The following CSGALNACT1 variants were observed in gnomAD, a reference collection of about 807,000 sequenced individuals.
CSGALNACT1 encodes beta4GalNAcT-1.
In CSGALNACT1, 52 loss-of-function variants were observed where a neutral mutation model predicts 51.0. That is an observed-to-expected ratio of 1.02 (90% CI 0.82 to 1.29). The LOEUF is 1.29. CSGALNACT1 is among the 50% of genes most tolerant of loss of function. CSGALNACT1 has a pLI of 0.00. For synonymous variants in CSGALNACT1, 341 were observed against 254.4 expected (o/e 1.34, Z -3.24); for missense variants, 935 against 679.2 (o/e 1.38, Z -4.19).
At chr8:19,666,934 AG>A (rs2059310828) in intron 1 of CSGALNACT1, among the ~76,000 whole-genome samples, 1 of 131,814 alleles carries the variant, frequency 7.6e-6, no homozygotes, top group Non-Finnish European at 1.6e-5. Flanking sequence ...AGAGACAGAG[AG>A]AGAGAGAAAA....
intron 1 of CSGALNACT1, among the ~76,000 whole-genome samples, chr8:19,635,137 C>T (rs543282438): frequency 2.0e-4 from 30 of 152,310 alleles, no homozygotes; most frequent in East Asian, 1.5e-3. Flanking sequence ...CCTTCACTGC[C>T]GTGCCCTGGG....
intron 1 of CSGALNACT1, among the ~76,000 whole-genome samples, chr8:19,714,028 C>T (rs1331648185): frequency 6.6e-6 from 1 of 152,210 alleles, no homozygotes; most frequent in Non-Finnish European, 1.5e-5. Flanking sequence ...ACATCCTCCT[C>T]TCTGCACCCA....
chr8:19,625,746 A>AG (rs1208971640), intron 1 of CSGALNACT1, among the ~76,000 whole-genome samples: 1 of 152,166 alleles, frequency 6.6e-6, no homozygotes, highest in Non-Finnish European at 1.5e-5. Flanking sequence ...TAGGCTTAAG[A>AG]GAGGGGGCCT....
chr8:19,720,336 G>C (rs1039282002), intron 1 of CSGALNACT1, among the ~76,000 whole-genome samples: 2 of 152,186 alleles, frequency 1.3e-5, no homozygotes, highest in African/African-American at 4.8e-5. Context: ...ATGTATCAGG[G>C]AGAGATAAGA....
intron 6 of CSGALNACT1, among the ~76,000 whole-genome samples, chr8:19,423,842 A>C (rs1366495305): frequency 6.6e-6 from 1 of 152,166 alleles, no homozygotes; most frequent in Non-Finnish European, 1.5e-5. Flanking sequence ...GCACTACCCA[A>C]TCTGAATATG....
At chr8:19,691,284 G>A (rs1000654801) in intron 1 of CSGALNACT1, among the ~76,000 whole-genome samples, 1 of 152,126 alleles carries the variant, frequency 6.6e-6, no homozygotes, top group African/African-American at 2.4e-5. Context: ...TTCAGCCAAC[G>A]ATGCACAGGC....
At chr8:19,581,779 T>C (rs1004922138) in intron 3 of CSGALNACT1, among the ~76,000 whole-genome samples, 1 of 152,340 alleles carries the variant, frequency 6.6e-6, no homozygotes, top group African/African-American at 2.4e-5. Flanking sequence ...CCAAGGCCCA[T>C]AAAGCAGAGA....
At chr8:19,619,338 G>C (rs915717073) in intron 1 of CSGALNACT1, among the ~76,000 whole-genome samples, 2 of 151,978 alleles carry the variant, frequency 1.3e-5, no homozygotes, top group African/African-American at 4.8e-5. Flanking sequence ...GCTGGAATTT[G>C]AGATGCCTAC....
At chr8:19,750,881 T>A (rs2064986357) in intron 1 of CSGALNACT1, among the ~76,000 whole-genome samples, 1 of 152,168 alleles carries the variant, frequency 6.6e-6, no homozygotes, top group Non-Finnish European at 1.5e-5. Flanking sequence ...ACTTTCTGCT[T>A]GTAACATGCC....
intron 1 of CSGALNACT1, among the ~76,000 whole-genome samples, chr8:19,611,975 A>G (rs1185609772): frequency 6.6e-6 from 1 of 152,060 alleles, no homozygotes; most frequent in East Asian, 1.9e-4. Flanking sequence ...ATTAATTCTA[A>G]GACTCCATCC....
At chr8:19,588,922 T>C (rs1479222039) in intron 3 of CSGALNACT1, among the ~76,000 whole-genome samples, 3 of 152,222 alleles carry the variant, frequency 2.0e-5, no homozygotes, top group East Asian at 1.9e-4. Flanking sequence ...ACTCAATGCA[T>C]AGTAGTTGAG....
At chr8:19,719,790 A>G (rs199630135) in intron 1 of CSGALNACT1, among the ~76,000 whole-genome samples, 1 of 151,980 alleles carries the variant, frequency 6.6e-6, no homozygotes, top group African/African-American at 2.4e-5. Flanking sequence ...TAGCACCCCA[A>G]TTTTGCTCCA....
chr8:19,472,696 T>C (rs947389447), intron 4 of CSGALNACT1, among the ~76,000 whole-genome samples: 6 of 152,216 alleles, frequency 3.9e-5, no homozygotes, highest in African/African-American at 1.2e-4. Flanking sequence ...TTTCTGTTCT[T>C]CCTTTCTTTT....
chr8:19,641,128 CTTTTTTTTTT>C (rs56681695), intron 1 of CSGALNACT1, among the ~76,000 whole-genome samples: 2 of 99,976 alleles, frequency 2.0e-5, no homozygotes, highest in African/African-American at 3.7e-5. Flanking sequence ...GGTGACTGGT[CTTTTTTTTTT>C]TTTTTTTTTT....
chr8:19,450,392 C>T (rs960352339), intron 5 of CSGALNACT1, among the ~76,000 whole-genome samples: 1 of 152,000 alleles, frequency 6.6e-6, no homozygotes, highest in Non-Finnish European at 1.5e-5. Flanking sequence ...AGAAAAACAG[C>T]AGGAGCTACA....
intron 8 of CSGALNACT1, among the ~76,000 whole-genome samples, chr8:19,414,043 A>G (rs11780388): frequency 0.48 from 72,950 of 152,032 alleles, 18,582 homozygotes; most frequent in East Asian, 0.83. Flanking sequence ...CAAGGATTGG[A>G]CAAATCTCTT....
chr8:19,485,457 C>A (rs1291080452), intron 4 of CSGALNACT1, among the ~76,000 whole-genome samples: 1 of 152,058 alleles, frequency 6.6e-6, no homozygotes, highest in African/African-American at 2.4e-5. Flanking sequence ...CCCAGAGAAA[C>A]CCTGGAAGCT....
At chr8:19,667,003 GAAAGA>G (rs771614389) in intron 1 of CSGALNACT1, among the ~76,000 whole-genome samples, 74 of 28,530 alleles carry the variant, frequency 2.6e-3, no homozygotes, top group South Asian at 6.8e-3. Context: ...AAGAAAGAAA[GAAAGA>G]AAGAAAGAAA....
intron 1 of CSGALNACT1, among the ~76,000 whole-genome samples, chr8:19,614,322 T>C (rs1277436588): frequency 6.6e-6 from 1 of 152,224 alleles, no homozygotes; most frequent in Non-Finnish European, 1.5e-5. Context: ...TATGTAATGT[T>C]AGCTTTTAAA....
Sources: allele counts gnomAD v4.1 joint callset (sites outside exome capture counted in the v4.1 genomes callset), GRCh38; gene constraint gnomAD v4.1.1; transcripts MANE v1.5; gene names NCBI Gene and HGNC (gene_info 2026-07-23, HGNC 2026-07-21).